Variants in ANK2 observed in about 807,000 individuals in gnomAD.
ANK2 encodes ankyrin 2, also known as ankyrin-2.
A neutral mutation model predicts 360.5 loss-of-function variants in ANK2; 83 were observed. The observed-to-expected ratio is 0.23, with a 90% CI of 0.19 to 0.28. The LOEUF is 0.28. Among genes scored for constraint, ANK2 ranks in the 10% least tolerant of loss-of-function variants. The pLI, the probability that ANK2 is intolerant of heterozygous loss-of-function variation, is 1.00. For missense variants in ANK2, 4,201 were observed against 4,795.7 expected (o/e 0.88, Z 3.66); for synonymous variants, 1,740 against 1,759.5 (o/e 0.99, Z 0.28).
chr4:113,208,089 A>G lies in ANK2; in HGVS notation c.384+8980A>G, dbSNP rs74521496. The stretch of plus-strand genomic sequence containing the variant: ...CCTGAAAGATTTTATGAGCCATATT[A>G]AGGTTTTCGTTCTAAGACTTGTATC... On this transcript the variant is annotated intron_variant, in intron 4 of 45. Transcript: ENST00000357077. 2.1e-3 allele frequency among the ~76,000 whole-genome samples: 316 copies of G among 152,198 alleles called. 9 individuals are homozygous for G. Among genetic ancestry groups the G allele is most frequent in the African/African-American group, 7.3e-3 (301 of 41,472 alleles).
At chr4:113,318,751 A>G (rs2084315291) in intron 26 of ANK2, 131 bp downstream of exon 26, 1 of 749,402 alleles carries the variant, frequency 1.3e-6, no homozygotes, top group Non-Finnish European at 2.3e-6. Context: ...AAACTTGTAA[A>G]TAACATTGCT....
intron 7 of ANK2, among the ~76,000 whole-genome samples, chr4:113,239,705 T>C (rs951124629): frequency 6.6e-6 from 1 of 152,162 alleles, no homozygotes; most frequent in Non-Finnish European, 1.5e-5. Context: ...AGACTTATTT[T>C]TTAAACATTT....
chr4:112,946,964 C>G (rs913319225), intron 2 of ANK2, among the ~76,000 whole-genome samples: 4 of 152,204 alleles, frequency 2.6e-5, no homozygotes, highest in Non-Finnish European at 5.9e-5. Flanking sequence ...AAGATCCCTA[C>G]TCAACCCATA....
the ANK2 span, among the ~76,000 whole-genome samples, chr4:112,721,733 A>T: frequency 4.6e-4 from 70 of 152,228 alleles, no homozygotes; most frequent in African/African-American, 1.6e-3. Flanking sequence ...CTGAAATGAA[A>T]GTGCCAGGAT....
intron 2 of ANK2, among the ~76,000 whole-genome samples, chr4:113,013,809 G>A (rs115661430): frequency 1.1e-4 from 16 of 152,032 alleles, no homozygotes; most frequent in Non-Finnish European, 1.5e-5. Context: ...CAAAAGCCTC[G>A]TGTTTACTAA....
At chr4:112,981,970 A>G (rs2043237735) in intron 2 of ANK2, among the ~76,000 whole-genome samples, 1 of 152,204 alleles carries the variant, frequency 6.6e-6, no homozygotes, top group Non-Finnish European at 1.5e-5. Flanking sequence ...GTCCCTATCA[A>G]CATGATGTTT....
chr4:113,330,275 G>A lies in ANK2; in HGVS notation c.2930G>A (p.Arg977Gln), dbSNP rs747390978. The change falls in exon 27 of 46, where the codon CGA (arginine) becomes CAA (glutamine). Residue 977 changes from arginine to glutamine, a missense_variant. Physicochemically the swap from Arg to Gln is conservative, Grantham distance 43 (BLOSUM62 1). This residue lies in a region of ANK2 where 1,268 missense variants were observed against 1,650.8 expected (regional missense o/e 0.77). Coordinates refer to ENST00000357077, the MANE Select transcript of ANK2 (RefSeq NM_001148.6). ...GFLVSFMVDA[R>Q]GGAMRGCRHN... is the part of the protein sequence containing the mutation. The stretch of plus-strand genomic sequence containing the variant: ...CTGGTTAGTTTTATGGTGGATGCCC[G>A]AGGTGGTGCTATGCGAGGATGCAGA... 2.4e-5 allele frequency: 39 copies of A among 1,613,986 alleles called. No individual in the cohort carries two copies. The highest frequency in any genetic ancestry group is 4.5e-5 in the East Asian group (2 of 44,894).
chr4:112,727,396 C>T, the ANK2 span, among the ~76,000 whole-genome samples: 8 of 151,708 alleles, frequency 5.3e-5, no homozygotes, highest in Non-Finnish European at 7.4e-5. Context: ...ATTAAACAAC[C>T]TAATATTACA....
chr4:112,757,887 T>TA, the ANK2 span, among the ~76,000 whole-genome samples: 977 of 108,404 alleles, frequency 9.0e-3, 10 homozygotes, highest in African/African-American at 0.041. Flanking sequence ...AAAGATGGAT[T>TA]TTTTTTTTTT....
chr4:112,746,363 T>C, the ANK2 span, among the ~76,000 whole-genome samples: 1 of 151,506 alleles, frequency 6.6e-6, no homozygotes, highest in Non-Finnish European at 1.5e-5. Flanking sequence ...GGTGGTAGAG[T>C]TATCTTGGGG....
intron 1 of ANK2, among the ~76,000 whole-genome samples, chr4:112,862,965 C>A (rs1288432652): frequency 6.6e-6 from 1 of 152,032 alleles, no homozygotes; most frequent in Non-Finnish European, 1.5e-5. Flanking sequence ...TAAATGCAGT[C>A]TTTATCCATA....
chr4:112,956,942 G>A, intron 2 of ANK2, among the ~76,000 whole-genome samples: 1 of 147,144 alleles, frequency 6.8e-6, no homozygotes, highest in Middle Eastern at 3.7e-3. Context: ...TGTATTATAT[G>A]ATTTTTTTAT....
chr4:112,943,040 G>A (rs2094338870), intron 2 of ANK2, among the ~76,000 whole-genome samples: 1 of 152,044 alleles, frequency 6.6e-6, no homozygotes, highest in African/African-American at 2.4e-5. Context: ...AAGCTGTGGT[G>A]AACAAGGTCT....
At chr4:112,954,315 CAG>C (rs2095228953) in intron 2 of ANK2, among the ~76,000 whole-genome samples, 1 of 149,692 alleles carries the variant, frequency 6.7e-6, no homozygotes, top group African/African-American at 2.5e-5. Flanking sequence ...GTTCCCTCTA[CAG>C]AGTTAGCAGG....
Position 113,357,240 on chromosome 4 carries a change from A to G in ANK2, c.8622A>G (p.Thr2874=), listed in dbSNP as rs765267097. The G allele has an allele frequency of 1.9e-6, 3 of 1,614,092 alleles. No homozygotes were observed. Among genetic ancestry groups the G allele is most frequent in the Non-Finnish European group, 2.5e-6 (3 of 1,179,998 alleles). ...DISATSSIQK[T]EVTKTDETFE... The stretch of plus-strand genomic sequence containing the variant: ...CTGCCACATCTTCTATTCAAAAAAC[A>G]GAGGTCACAAAAACTGATGAAACAT... Residue 2874 remains threonine (T), a synonymous_variant, in exon 38 of 46, where the codon ACA becomes ACG. Transcript: ENST00000357077.
At chr4:113,298,392 G>A (rs2073096047) in intron 22 of ANK2, among the ~76,000 whole-genome samples, 2 of 152,174 alleles carry the variant, frequency 1.3e-5, no homozygotes. Flanking sequence ...AGATCACTAA[G>A]TATGCTGTGG....
At chr4:112,899,466 C>A (rs1287997091) in intron 1 of ANK2, among the ~76,000 whole-genome samples, 1 of 152,044 alleles carries the variant, frequency 6.6e-6, no homozygotes, top group Non-Finnish European at 1.5e-5. Context: ...CCCATAAAAA[C>A]CCAATTTTCT....
the ANK2 span, among the ~76,000 whole-genome samples, chr4:112,705,913 G>A: frequency 6.7e-6 from 1 of 148,874 alleles, no homozygotes; most frequent in African/African-American, 2.6e-5. Context: ...GGCCCGCCGC[G>A]GCCCCGAGTC....
chr4:112,852,482 C>T (rs1309163858), intron 1 of ANK2, among the ~76,000 whole-genome samples: 1 of 152,166 alleles, frequency 6.6e-6, no homozygotes, highest in Non-Finnish European at 1.5e-5. Flanking sequence ...CACCCTTTCC[C>T]AACATTTCTA....
Sources: gnomAD v4.1 joint callset for allele counts (sites outside exome capture counted in the v4.1 genomes callset) on GRCh38, gnomAD v4.1.1 for gene constraint, gnomAD v4.1.1 regional missense constraint, MANE v1.5 for transcripts, NCBI Gene and HGNC (gene_info 2026-07-23, HGNC 2026-07-21) for gene names.